ABR: variants seen among roughly 807,000 people sequenced by gnomAD.
ABR encodes the protein ABR activator of RhoGEF and GTPase.
Under a neutral mutation model 107.2 loss-of-function variants are expected in ABR, and 35 were observed. The observed-to-expected ratio is 0.33, with a 90% CI of 0.25 to 0.43. ABR has a LOEUF of 0.43. Among genes scored for constraint, ABR ranks in the 20% least tolerant of loss-of-function variants. The probability of loss-of-function intolerance (pLI) is 1.00; values close to 1 mark genes in which losing one functional copy is unlikely to be tolerated. For missense variants in ABR, 815 were observed against 1,115.2 expected, an observed-to-expected ratio of 0.73 and a Z score of 3.83; for synonymous variants, 498 against 462.0, an observed-to-expected ratio of 1.08 and a Z score of -1.00.
At chr17:1,096,698 G>T (rs535900203) in intron 3 of ABR, among the ~76,000 whole-genome samples, 1 of 150,892 alleles carries the variant, frequency 6.6e-6, no homozygotes, top group African/African-American at 2.4e-5. Flanking sequence ...AACCCGCCCC[G>T]GGAGGAGAGA....
At chr17:1,032,660 G>GCAGAGGACGCCACAGGCAACCA (rs1473480086) in intron 16 of ABR, among the ~76,000 whole-genome samples, 2 of 149,062 alleles carry the variant, frequency 1.3e-5, no homozygotes, top group Admixed American at 6.8e-5. Context: ...CGTGCTGGGC[G>GCAGAGGACGCCACAGGCAACCA]CCTTGAGAGA....
Position 1,198,803 on chromosome 17 carries a change from T to A in ABR, c.838+29990A>T, listed in dbSNP as rs1234749836. Reference sequence around the variant, plus strand: ...GTTGCCCACCACCACACCTGGCAAATTTTTTTTTTTTTAATAGAGGTGGGT... The same window carrying A: ...GTTGCCCACCACCACACCTGGCAAAATTTTTTTTTTTTAATAGAGGTGGGT... On this transcript the variant is annotated intron_variant, in intron 1 of 22. Coordinates refer to the ABR transcript ENST00000574139. Among the ~76,000 whole-genome samples the A allele has an allele frequency of 2.4e-4, 4 of 16,484 alleles. 1 individual carries two copies. The highest frequency in any genetic ancestry group is 5.4e-4 in the African/African-American group (2 of 3,670). The allele number at this position is 16,484 out of a possible 152,430, so 10.8% of individuals were successfully genotyped here.
intron 1 of ABR, among the ~76,000 whole-genome samples, chr17:1,166,478 CAGTGTGGCCGGAGGCCCGGG>C (rs1038138621): frequency 1.3e-5 from 2 of 152,166 alleles, no homozygotes; most frequent in African/African-American, 4.8e-5. Context: ...GGGAGAGGCT[CAGTGTGGCCGGAGGCCCGGG>C]GGTGTGGCAG....
chr17:1,017,460 CCCT>C (rs1469716303), intron 16 of ABR, among the ~76,000 whole-genome samples: 2 of 137,574 alleles, frequency 1.5e-5, no homozygotes, highest in Non-Finnish European at 1.5e-5. Context: ...AGCGGCCATG[CCCT>C]CTTTTTTTTT....
intron 5 of ABR, among the ~76,000 whole-genome samples, chr17:1,082,200 T>A (rs1316000988): frequency 2.0e-5 from 3 of 152,116 alleles, no homozygotes; most frequent in African/African-American, 7.2e-5. Context: ...GGATGGAGGT[T>A]CTCTTGCCCT....
rs577729349 is a variant in ABR at position 1,071,590 on chromosome 17, G to A, written c.894+1024C>T. Among the ~76,000 whole-genome samples the A allele has an allele frequency of 1.7e-3, 253 of 152,310 alleles. 1 individual carries two copies. Among genetic ancestry groups the A allele is most frequent in the African/African-American group, 5.4e-3 (226 of 41,570 alleles). On this transcript the variant is annotated intron_variant, in intron 8 of 22. Coordinates refer to ENST00000302538, the MANE Select transcript of ABR (RefSeq NM_021962.5). The surrounding 1 kb of genome is among the most constrained non-coding windows in gnomAD (Gnocchi z 5.1). ...CATGCAGGTGCCCACTGGACATTCC[G>A]GCAACCTGGACGGCCTCCACCACCT... is the stretch of plus-strand genomic sequence containing the variant.
chr17:1,189,899 G>A (rs1261875104), upstream of ABR, among the ~76,000 whole-genome samples: 6 of 135,390 alleles, frequency 4.4e-5, no homozygotes, highest in Admixed American at 2.1e-4. Context: ...GTGAATGAAT[G>A]AGCAAGTGTG....
chr17:1,008,657 T>A (rs1186247704), intron 21 of ABR, among the ~76,000 whole-genome samples: 4 of 152,180 alleles, frequency 2.6e-5, no homozygotes, highest in African/African-American at 7.2e-5. Context: ...CGCGTCCAGG[T>A]CTCCACTGGC....
rs545131491 is a variant in ABR, at chr17:1,157,249, CTTTTT to C, written c.61+22413_61+22417del. Among the ~76,000 whole-genome samples the C allele has an allele frequency of 8.2e-6, 1 of 121,784 alleles. No homozygotes were observed. The highest frequency in any genetic ancestry group is 1.7e-5 in the Non-Finnish European group (1 of 57,788). 79.9% of individuals were successfully genotyped at this position (121,784 alleles called of 152,430 possible). ...GTCAGTCGTGCTACAGCGCACATTA[CTTTTT>C]TTTTTTTTTTTTTTGAGATGAAGTC... On this transcript the variant is annotated intron_variant, in intron 1 of 22. Coordinates refer to ENST00000302538, the MANE Select transcript of ABR (RefSeq NM_021962.5). This position sits in a 1 kb window ranked among gnomAD's most constrained non-coding sequence, Gnocchi z 4.7.
At chr17:1,181,698 A>G (rs946040347), upstream of ABR, among the ~76,000 whole-genome samples, 2 of 152,192 alleles carry the variant, frequency 1.3e-5, no homozygotes, top group African/African-American at 4.8e-5. Flanking sequence ...ATGAGGGGCC[A>G]AGGGCATCTC....
chr17:1,111,764 C>T lies in ABR; in HGVS notation c.247-11029G>A, dbSNP rs181146846. 1.9e-3 allele frequency among the ~76,000 whole-genome samples: 293 copies of T among 152,334 alleles called. 2 individuals are homozygous for T. The highest frequency in any genetic ancestry group is 6.1e-3 in the African/African-American group (253 of 41,566). ...CAGCCTCAGCCCTCTGCTCCCTTCC[C>T]CCAGAGAAGCAGCCCTTCTCCCTTC... On this transcript the variant is annotated intron_variant, in intron 2 of 22. Coordinates refer to ENST00000302538, the MANE Select transcript of ABR (RefSeq NM_021962.5).
intron 5 of ABR, among the ~76,000 whole-genome samples, chr17:1,080,570 G>A (rs373503753): frequency 2.6e-5 from 4 of 151,660 alleles, no homozygotes; most frequent in African/African-American, 4.8e-5. Context: ...CCAGGGTCAG[G>A]TGCCCAGGTG....
chr17:1,107,039 T>G (rs982219707), intron 2 of ABR, among the ~76,000 whole-genome samples: 2 of 152,220 alleles, frequency 1.3e-5, no homozygotes, highest in African/African-American at 4.8e-5. Flanking sequence ...GTCTTCTCCC[T>G]CTGAGGCCAA....
At chr17:1,162,690 G>T (rs908760409) in intron 1 of ABR, among the ~76,000 whole-genome samples, 1 of 150,864 alleles carries the variant, frequency 6.6e-6, no homozygotes, top group Non-Finnish European at 1.5e-5. Context: ...ACTTTGAAAG[G>T]CTAGGCCAAG....
intron 1 of ABR, among the ~76,000 whole-genome samples, chr17:1,203,606 G>C (rs954406569): frequency 6.8e-6 from 1 of 147,450 alleles, no homozygotes; most frequent in Non-Finnish European, 1.5e-5. Flanking sequence ...GGGAACCCCT[G>C]AGTCACCGCC....
intron 17 of ABR, 128 bp downstream of exon 17, chr17:1,012,977 G>T (rs1031706999): frequency 1.7e-6 from 2 of 1,209,736 alleles, no homozygotes; most frequent in Middle Eastern, 2.7e-4. Context: ...GGGAGAGGGG[G>T]CTGGGCTGCG....
chr17:1,180,790 G>C (rs73975666), upstream of ABR, among the ~76,000 whole-genome samples: 17,016 of 152,282 alleles, frequency 0.11, 1,126 homozygotes, highest in East Asian at 0.27. Flanking sequence ...CCCAAGGGCA[G>C]TGAAGAGATT....
At chr17:1,058,104 G>T (rs1158294330) in intron 11 of ABR, 59 bp from the exon 12 acceptor site, 21 of 1,124,644 alleles carry the variant, frequency 1.9e-5, no homozygotes, top group South Asian at 2.6e-5. Context: ...CGTACTCCCA[G>T]ATCCTGGGGA....
In ABR at chr17:1,137,944, A is replaced by G. The variant is rs181719887; in HGVS notation, c.62-12577T>C. On this transcript the variant is annotated intron_variant, in intron 1 of 22. Transcript: ENST00000302538. ...GAGACGGGGTCTCACTCTGTCACCC[A>G]GGCTGGAGAGCAGTGGCACAATTTC... Among the ~76,000 whole-genome samples, 1,446 of 150,756 alleles carry G rather than the reference A, an allele frequency of 9.6e-3. 24 individuals carry two copies. Among genetic ancestry groups the G allele is most frequent in the African/African-American group, 0.034 (1,386 of 40,924 alleles).
Sources: gnomAD v4.1 joint callset for allele counts (sites outside exome capture counted in the v4.1 genomes callset) on GRCh38, gnomAD v4.1.1 for gene constraint, Gnocchi (gnomAD v3.1) non-coding constraint, MANE v1.5 for transcripts, NCBI Gene and HGNC (gene_info 2026-07-23, HGNC 2026-07-21) for gene names.